Variants in MAPKAP1 observed in about 807,000 individuals in gnomAD.
MAPKAP1 encodes the protein MAPK associated protein 1.
A neutral mutation model predicts 65.7 loss-of-function variants in MAPKAP1; 20 were observed. The observed-to-expected ratio is 0.30, with a 90% CI of 0.21 to 0.44. The LOEUF is 0.44. Among genes scored for constraint, MAPKAP1 ranks in the 20% least tolerant of loss-of-function variants. The probability of loss-of-function intolerance (pLI) is 1.00; values close to 1 mark genes in which losing one functional copy is unlikely to be tolerated. For missense variants in MAPKAP1, 423 were observed against 648.0 expected, an observed-to-expected ratio of 0.65 and a Z score of 3.77; for synonymous variants, 222 against 244.3, an observed-to-expected ratio of 0.91 and a Z score of 0.85.
chr9:125,510,747 T>A (rs1327415201), intron 7 of MAPKAP1, among the ~76,000 whole-genome samples: 1 of 152,216 alleles, frequency 6.6e-6, no homozygotes, highest in East Asian at 1.9e-4. Context: ...TAAATCCAAA[T>A]GGAAAACTGC....
rs1852607272 is a variant in MAPKAP1 at position 125,444,123 on chromosome 9, CA to C, written c.1443+377del. The stretch of plus-strand genomic sequence containing the variant: ...AAATCACCTTCAGCATAATTATCTT[CA>C]AAACAATAATAATTTCCTCAGAGTC... On this transcript the variant is annotated intron_variant, in intron 11 of 11. Transcript: ENST00000265960. Among the ~76,000 whole-genome samples the C allele has an allele frequency of 2.6e-5, 4 of 152,164 alleles. No individual in the cohort carries two copies. The South Asian group carries it at 8.3e-4, about 32-fold the overall frequency.
intron 4 of MAPKAP1, among the ~76,000 whole-genome samples, chr9:125,646,550 T>C (rs1402274745): frequency 6.6e-6 from 1 of 152,216 alleles, no homozygotes; most frequent in Non-Finnish European, 1.5e-5. Context: ...GTAATAATGA[T>C]AAAACCTTCC....
intron 9 of MAPKAP1, among the ~76,000 whole-genome samples, chr9:125,478,854 G>A (rs576062368): frequency 5.9e-5 from 9 of 152,326 alleles, no homozygotes; most frequent in African/African-American, 2.2e-4. Context: ...TCCCAGTCAT[G>A]AAGTGGGAAC....
chr9:125,524,927 T>C (rs1425619663), intron 7 of MAPKAP1, among the ~76,000 whole-genome samples: 2 of 152,242 alleles, frequency 1.3e-5, no homozygotes. Context: ...AGGTCATTCC[T>C]ACACGTGCAC....
chr9:125,554,794 CAAAAAAAAAA>C (rs56911891), intron 6 of MAPKAP1, among the ~76,000 whole-genome samples: 1 of 65,630 alleles, frequency 1.5e-5, no homozygotes, highest in African/African-American at 6.4e-5. Context: ...AGACACTTAT[CAAAAAAAAAA>C]AAAAAAAAAA....
intron 8 of MAPKAP1, among the ~76,000 whole-genome samples, chr9:125,503,549 TC>T (rs1284800317): frequency 1.3e-5 from 2 of 152,216 alleles, no homozygotes; most frequent in Admixed American, 1.3e-4. Flanking sequence ...AATTACTTAG[TC>T]TGCCTTTACT....
At chr9:125,452,256 G>A (rs549441485) in intron 10 of MAPKAP1, among the ~76,000 whole-genome samples, 257 of 152,188 alleles carry the variant, frequency 1.7e-3, no homozygotes, top group African/African-American at 5.6e-3. Context: ...GCGCCACCAC[G>A]CCGAGCTAAT....
intron 4 of MAPKAP1, among the ~76,000 whole-genome samples, chr9:125,598,611 C>G (rs1388963707): frequency 6.6e-6 from 1 of 152,128 alleles, no homozygotes; most frequent in Non-Finnish European, 1.5e-5. Flanking sequence ...TCAGATAGAT[C>G]TGAGTTCAAT....
intron 9 of MAPKAP1, among the ~76,000 whole-genome samples, chr9:125,472,444 A>G (rs931574921): frequency 6.6e-6 from 1 of 152,262 alleles, no homozygotes; most frequent in African/African-American, 2.4e-5. Flanking sequence ...TTTTTTGTTC[A>G]TACATGGCAA....
intron 4 of MAPKAP1, among the ~76,000 whole-genome samples, chr9:125,618,513 G>A (rs977593776): frequency 6.6e-6 from 1 of 151,688 alleles, no homozygotes; most frequent in African/African-American, 2.4e-5. Context: ...TTCAAATGTT[G>A]GTCTATATTT....
chr9:125,701,335 A>G (rs1023585888), intron 1 of MAPKAP1, among the ~76,000 whole-genome samples: 2 of 152,210 alleles, frequency 1.3e-5, no homozygotes, highest in African/African-American at 4.8e-5. Flanking sequence ...CAAGTATAGG[A>G]TATTACGAAT....
intron 8 of MAPKAP1, among the ~76,000 whole-genome samples, chr9:125,498,954 G>A (rs1199453718): frequency 6.6e-6 from 1 of 152,140 alleles, no homozygotes; most frequent in African/African-American, 2.4e-5. Flanking sequence ...ACAGAATGCT[G>A]CTTTTCCATT....
intron 10 of MAPKAP1, among the ~76,000 whole-genome samples, chr9:125,449,244 C>A (rs1852847088): frequency 6.6e-6 from 1 of 152,166 alleles, no homozygotes; most frequent in Non-Finnish European, 1.5e-5. Flanking sequence ...TGGCAAGGCA[C>A]TGTCCCTTCC....
intron 3 of MAPKAP1, among the ~76,000 whole-genome samples, chr9:125,660,551 C>T (rs1834155053): frequency 6.6e-6 from 1 of 152,214 alleles, no homozygotes; most frequent in South Asian, 2.1e-4. Context: ...CAACTTTCTA[C>T]TGGACACTTT....
chr9:125,640,837 T>C (rs1403523951), intron 4 of MAPKAP1, among the ~76,000 whole-genome samples: 1 of 152,246 alleles, frequency 6.6e-6, no homozygotes, highest in East Asian at 1.9e-4. Flanking sequence ...TATTTTCTTA[T>C]GCAACATGTT....
chr9:125,464,219 A>T (rs1198152819), intron 10 of MAPKAP1, among the ~76,000 whole-genome samples: 3 of 150,428 alleles, frequency 2.0e-5, no homozygotes, highest in African/African-American at 2.4e-5. Flanking sequence ...AAAAAAAAAA[A>T]AAAAAAAAAA....
chr9:125,704,322 C>T (rs1051429403), intron 1 of MAPKAP1, among the ~76,000 whole-genome samples: 15 of 152,080 alleles, frequency 9.9e-5, no homozygotes, highest in African/African-American at 2.2e-4. Flanking sequence ...CCTTCTCACA[C>T]GAGAAAAAAA....
At chr9:125,687,250 G>A (rs1278177283) in intron 1 of MAPKAP1, among the ~76,000 whole-genome samples, 1 of 151,346 alleles carries the variant, frequency 6.6e-6, no homozygotes, top group East Asian at 1.9e-4. Context: ...AACAGAAAAT[G>A]AAAATGGCAC....
At chr9:125,628,020 G>A (rs1028641329) in intron 4 of MAPKAP1, among the ~76,000 whole-genome samples, 1 of 152,178 alleles carries the variant, frequency 6.6e-6, no homozygotes, top group Admixed American at 6.5e-5. Flanking sequence ...GAATGTTAGG[G>A]TCTGTGGAGT....
Sources: gnomAD v4.1 joint callset for allele counts (sites outside exome capture counted in the v4.1 genomes callset) on GRCh38, gnomAD v4.1.1 for gene constraint, MANE v1.5 for transcripts, NCBI Gene and HGNC (gene_info 2026-07-23, HGNC 2026-07-21) for gene names.